Variants in TTC29 observed in about 807,000 individuals in gnomAD.
The protein encoded by TTC29 is tetratricopeptide repeat protein 29.
Under a neutral mutation model 58.1 loss-of-function variants are expected in TTC29, and 49 were observed. That is an observed-to-expected ratio of 0.84 (90% CI 0.67 to 1.07). TTC29 has a LOEUF of 1.07. TTC29 is among the 50% of genes least tolerant of loss of function. The pLI, the probability that TTC29 is intolerant of heterozygous loss-of-function variation, is 0.00. For missense variants in TTC29, 582 were observed against 555.6 expected (o/e 1.05, Z -0.48); for synonymous variants, 209 against 196.8 (o/e 1.06, Z -0.52).
intron 6 of TTC29, among the ~76,000 whole-genome samples, chr4:146,887,536 C>A (rs937809357): frequency 1.3e-5 from 2 of 152,054 alleles, no homozygotes; most frequent in Non-Finnish European, 2.9e-5. Flanking sequence ...GGCTGCTAAC[C>A]TTATGGCCAT....
Position 146,824,435 on chromosome 4 carries a change from C to T in TTC29, c.978-4187G>A, listed in dbSNP as rs547224388. ...ATTTGCTTATGTTGAGCCAGCTTTG[C>T]ATCCCAGGGATGAAGCTGACTTGAT... On this transcript the variant is annotated intron_variant, in intron 9 of 12. Coordinates refer to ENST00000325106, the MANE Select transcript of TTC29 (RefSeq NM_031956.4). 3.3e-5 allele frequency among the ~76,000 whole-genome samples: 5 copies of T among 152,276 alleles called. No individual in the cohort carries two copies. The South Asian group carries it at 1.0e-3, about 32-fold the overall frequency.
At chr4:146,779,004 G>GA (rs71592470) in intron 11 of TTC29, among the ~76,000 whole-genome samples, 260 of 79,692 alleles carry the variant, frequency 3.3e-3, no homozygotes, top group Middle Eastern at 7.6e-3. Context: ...AAAAAAAAAA[G>GA]AAAAGAAAAG....
intron 6 of TTC29, among the ~76,000 whole-genome samples, chr4:146,894,937 C>T (rs1242834474): frequency 6.6e-6 from 1 of 152,148 alleles, no homozygotes; most frequent in African/African-American, 2.4e-5. Flanking sequence ...TACAGATCAT[C>T]CCATAGCCCA....
rs923332162 is a variant in TTC29, at chr4:146,937,612, G to A, written c.158C>T (p.Ser53Leu). 2.0e-6 allele frequency: 3 copies of A among 1,533,142 alleles called. No individual in the cohort carries two copies. The highest frequency in any genetic ancestry group is 1.8e-6 in the Non-Finnish European group (2 of 1,135,566). The allele number at this position is 1,533,142 out of a possible 1,614,324, so 95.0% of individuals were successfully genotyped here. Residue 53 changes from serine (S) to leucine (L), a missense_variant, in exon 4 of 13, where the codon TCA (serine) becomes TTA (leucine). Coordinates refer to ENST00000325106, the MANE Select transcript of TTC29 (RefSeq NM_031956.4). ...HYLEVNFKGLSKEEVAAYRNS... is the reference protein window; with the variant it reads ...HYLEVNFKGLLKEEVAAYRNS... ...TACTTACGCAGCAACTTCCTCTTTT[G>A]ATAATCCTTTGAAATTTACCTCTAG... is the stretch of plus-strand genomic sequence containing the variant.
At chr4:146,869,097 T>TAAAA (rs35029868) in intron 7 of TTC29, among the ~76,000 whole-genome samples, 2 of 110,446 alleles carry the variant, frequency 1.8e-5, no homozygotes, top group Non-Finnish European at 2.1e-5. Context: ...GAGCTTTAAG[T>TAAAA]AAAAAAAAAA....
chr4:146,898,419 C>T (rs1488897169), intron 6 of TTC29, among the ~76,000 whole-genome samples: 1 of 152,162 alleles, frequency 6.6e-6, no homozygotes, highest in Non-Finnish European at 1.5e-5. Flanking sequence ...AAACTGTCAA[C>T]AATAAATTTA....
intron 11 of TTC29, among the ~76,000 whole-genome samples, chr4:146,750,561 T>G (rs1052506568): frequency 3.3e-5 from 5 of 152,164 alleles, no homozygotes; most frequent in African/African-American, 9.7e-5. Flanking sequence ...TATAAAATGA[T>G]GTAAATTGTG....
intron 11 of TTC29, among the ~76,000 whole-genome samples, chr4:146,723,762 C>CT (rs1333738337): frequency 6.6e-6 from 1 of 152,160 alleles, no homozygotes; most frequent in Non-Finnish European, 1.5e-5. Context: ...AAAGGGAATG[C>CT]TTATGCACTG....
At chr4:146,888,345 G>C (rs1018439463) in intron 6 of TTC29, among the ~76,000 whole-genome samples, 1 of 152,086 alleles carries the variant, frequency 6.6e-6, no homozygotes, top group Non-Finnish European at 1.5e-5. Context: ...GCTAAAGGAA[G>C]GTAAAGAGCA....
chr4:146,838,895 T>C (rs1347937083), intron 8 of TTC29, among the ~76,000 whole-genome samples: 1 of 152,032 alleles, frequency 6.6e-6, no homozygotes, highest in Non-Finnish European at 1.5e-5. Flanking sequence ...GGCCCTTATG[T>C]TCACTTTAAC....
chr4:146,943,566 C>T (rs544113072), intron 2 of TTC29, among the ~76,000 whole-genome samples: 16 of 152,216 alleles, frequency 1.1e-4, no homozygotes, highest in African/African-American at 3.4e-4. Context: ...CTATGCCCAT[C>T]GGGAAAGTGA....
rs571012280 is a variant in TTC29, at chr4:146,937,828, T to A, written c.93-151A>T. On this transcript the variant is annotated intron_variant, in intron 3 of 12. Transcript: ENST00000325106. The stretch of plus-strand genomic sequence containing the variant: ...GCTATAGAGTTAGGTCGTTGGTTGA[T>A]CATTTCAAAATTTTATCTTTCCTGA... Among the ~76,000 whole-genome samples the A allele has an allele frequency of 2.9e-3, 436 of 152,264 alleles. 3 individuals carry two copies. The highest frequency in any genetic ancestry group is 1.9e-3 in the Non-Finnish European group (126 of 67,968).
Position 146,903,688 on chromosome 4 carries a change from A to G in TTC29, c.442T>C (p.Cys148Arg). ...TTGTCTTCAGAATTATTGAAGTAAC[A>G]GGCCAGAGCATACAAGTTATTATGT... Reference protein sequence around the residue: ...DVHNNLYALACYFNNSEDKWV... With the variant: ...DVHNNLYALARYFNNSEDKWV... The change falls in exon 6 of 13, where the codon TGT (cysteine) becomes CGT (arginine). Residue 148 changes from cysteine to arginine, a missense_variant. Cys to Arg is a radical substitution (Grantham distance 180, BLOSUM62 -3). Coordinates refer to ENST00000325106, the MANE Select transcript of TTC29 (RefSeq NM_031956.4). The G allele has an allele frequency of 1.2e-6, 2 of 1,611,938 alleles. No individual in the cohort carries two copies. Among genetic ancestry groups the G allele is most frequent in the Non-Finnish European group, 1.7e-6 (2 of 1,179,068 alleles).
chr4:146,724,462 A>G (rs553046899), intron 11 of TTC29, among the ~76,000 whole-genome samples: 2 of 152,212 alleles, frequency 1.3e-5, no homozygotes, highest in Non-Finnish European at 2.9e-5. Context: ...GGAAAAGTCT[A>G]AACTTTTAGT....
chr4:146,709,892 T>C (rs565403714), intron 11 of TTC29, among the ~76,000 whole-genome samples: 1 of 152,274 alleles, frequency 6.6e-6, no homozygotes, highest in African/African-American at 2.4e-5. Flanking sequence ...CTTCTGTTAG[T>C]ACCAATGAAC....
intron 11 of TTC29, among the ~76,000 whole-genome samples, chr4:146,770,902 T>C (rs762442520): frequency 5.9e-5 from 9 of 152,108 alleles, no homozygotes; most frequent in Admixed American, 1.3e-4. Flanking sequence ...AACTAACTTA[T>C]AATACATTTG....
chr4:146,859,735 G>A (rs982901792), intron 8 of TTC29, among the ~76,000 whole-genome samples: 5 of 152,008 alleles, frequency 3.3e-5, no homozygotes, highest in Non-Finnish European at 5.9e-5. Context: ...GGGAGTTTTG[G>A]GTTTAGGGAG....
chr4:146,896,824 A>G lies in TTC29; in HGVS notation c.586+6720T>C, dbSNP rs116497849. ...CTCTGTACCTTAATTCTCCCAGGAC[A>G]TTGTATTGAATGCCTTCCTGATTTT... On this transcript the variant is annotated intron_variant, in intron 6 of 12. Coordinates refer to ENST00000325106, the MANE Select transcript of TTC29 (RefSeq NM_031956.4). 4.1e-3 allele frequency among the ~76,000 whole-genome samples: 621 copies of G among 152,244 alleles called. 6 individuals are homozygous for G. Among genetic ancestry groups the G allele is most frequent in the African/African-American group, 0.014 (562 of 41,542 alleles).
chr4:146,732,563 G>A (rs933363779), intron 11 of TTC29, among the ~76,000 whole-genome samples: 4 of 152,152 alleles, frequency 2.6e-5, no homozygotes, highest in African/African-American at 7.2e-5. Flanking sequence ...GAAGTAGTTT[G>A]AAAAGTTTTG....
Sources: allele counts gnomAD v4.1 joint callset (sites outside exome capture counted in the v4.1 genomes callset), GRCh38; gene constraint gnomAD v4.1.1; transcripts MANE v1.5; gene names NCBI Gene and HGNC (gene_info 2026-07-23, HGNC 2026-07-21).